The following TPO variants were observed in gnomAD, a reference collection of about 807,000 sequenced individuals.
TPO encodes thyroid peroxidase, also known as thyroid microsomal antigen.
Under a neutral mutation model 96.9 loss-of-function variants are expected in TPO, and 78 were observed. The ratio of observed to expected loss-of-function variants is 0.81; its 90% CI spans 0.67 to 0.97. The LOEUF (loss-of-function observed/expected upper bound fraction) is 0.97. Ranked by LOEUF, TPO falls within the 50% of genes least tolerant of loss-of-function variation. The probability of loss-of-function intolerance (pLI) is 0.00; values close to 1 mark genes in which losing one functional copy is unlikely to be tolerated. For synonymous variants in TPO, 547 were observed against 538.0 expected (o/e 1.02, Z -0.23); for missense variants, 1,252 against 1,274.8 (o/e 0.98, Z 0.27).
At chr2:1,493,462 T>C (rs1671995704) in intron 10 of TPO, among the ~76,000 whole-genome samples, 4 of 140,340 alleles carry the variant, frequency 2.9e-5, no homozygotes, top group South Asian at 2.2e-4. Flanking sequence ...CCGGGCAGTG[T>C]CACAGGGTGG....
chr2:1,471,857 C>A (rs574754330), intron 7 of TPO, among the ~76,000 whole-genome samples: 115 of 152,290 alleles, frequency 7.6e-4, no homozygotes, highest in African/African-American at 2.7e-3. Flanking sequence ...GCACTCATGG[C>A]ATGCCCTTCC....
intron 7 of TPO, among the ~76,000 whole-genome samples, chr2:1,471,440 A>AC (rs199893928): frequency 0.096 from 14,017 of 145,888 alleles, 928 homozygotes; most frequent in African/African-American, 0.18. Flanking sequence ...TTTTCCTGTG[A>AC]CCCCCCCCCA....
intron 13 of TPO, 81 bp from the exon 14 acceptor site, chr2:1,503,867 A>C (rs28912995): frequency 7.0e-4 from 1,124 of 1,611,704 alleles, no homozygotes; most frequent in Non-Finnish European, 9.2e-4. Context: ...AGAGAGAAGC[A>C]CCTCCCAGAA....
chr2:1,542,761 CTCTTGCAATCCT>C lies in TPO; in HGVS notation c.*288_*299del. On this transcript the variant is annotated 3_prime_UTR_variant, in exon 17 of 17. Coordinates refer to ENST00000329066, the MANE Select transcript of TPO (RefSeq NM_001206744.2). ...TATTTTGTGAACCCTGGAAACACCACTCTTGCAATCCTCCTGTCTCCACCTTCTGGCATCTCT... is the reference window on the plus strand; with the variant it reads ...TATTTTGTGAACCCTGGAAACACCACCCTGTCTCCACCTTCTGGCATCTCT... The C allele has an allele frequency of 1.3e-6, 1 of 767,990 alleles. No individual in the cohort carries two copies. Among genetic ancestry groups the C allele is most frequent in the East Asian group, 3.1e-5 (1 of 31,804 alleles). The allele number at this position is 767,990 out of a possible 1,614,324, so 47.6% of individuals were successfully genotyped here.
intron 5 of TPO, among the ~76,000 whole-genome samples, chr2:1,437,317 T>C (rs1319843558): frequency 6.6e-6 from 1 of 151,914 alleles, no homozygotes; most frequent in Non-Finnish European, 1.5e-5. Context: ...TTTGTCACAA[T>C]AGTGTGGCGC....
intron 3 of TPO, among the ~76,000 whole-genome samples, chr2:1,423,889 C>T (rs1013659687): frequency 5.3e-5 from 8 of 152,138 alleles, no homozygotes; most frequent in Admixed American, 1.3e-4. Flanking sequence ...CATAAACTCA[C>T]GCACACTTTA....
intron 5 of TPO, among the ~76,000 whole-genome samples, chr2:1,447,061 AC>A: frequency 6.6e-6 from 1 of 151,874 alleles, no homozygotes; most frequent in Non-Finnish European, 1.5e-5. Context: ...ATCTGAATTG[AC>A]CCCTCCTGTT....
intron 7 of TPO, among the ~76,000 whole-genome samples, chr2:1,469,954 G>A (rs1211278570): frequency 6.6e-6 from 1 of 152,178 alleles, no homozygotes; most frequent in Non-Finnish European, 1.5e-5. Flanking sequence ...GTTTGTCCAA[G>A]TGAGAGCTGA....
intron 8 of TPO, among the ~76,000 whole-genome samples, chr2:1,482,491 AC>A (rs1400879614): frequency 1.3e-5 from 2 of 152,102 alleles, no homozygotes; most frequent in Non-Finnish European, 2.9e-5. Flanking sequence ...GACATGGCCC[AC>A]CTGGGAGGTG....
Position 1,487,116 on chromosome 2 carries a change from A to G in TPO, c.1598-705A>G, listed in dbSNP as rs28911478. On this transcript the variant is annotated intron_variant, in intron 9 of 16. Transcript: ENST00000329066. ...TCCATGCGGGGCCTTTGGAGATGAC[A>G]GGAACAGTGGTCCCCAGGCACCCTG... Among the ~76,000 whole-genome samples the G allele has an allele frequency of 2.4e-4, 36 of 152,342 alleles. No individual in the cohort carries two copies. In the East Asian group the frequency reaches 6.8e-3, roughly 29 times the overall value.
chr2:1,527,976 T>C (rs76719319), intron 15 of TPO, among the ~76,000 whole-genome samples: 1 of 126,404 alleles, frequency 7.9e-6, no homozygotes, highest in Non-Finnish European at 1.6e-5. Flanking sequence ...CCCCACTGCG[T>C]GCAACCTCCT....
At chr2:1,507,560 T>C (rs1292519098) in intron 14 of TPO, among the ~76,000 whole-genome samples, 3 of 152,334 alleles carry the variant, frequency 2.0e-5, no homozygotes, top group East Asian at 1.9e-4. Flanking sequence ...TTTATTTCAT[T>C]GAGCAGTGGT....
intron 1 of TPO, among the ~76,000 whole-genome samples, chr2:1,401,127 A>G (rs185268971): frequency 1.3e-5 from 2 of 152,312 alleles, no homozygotes; most frequent in East Asian, 3.9e-4. Flanking sequence ...AGAGCCTCCC[A>G]TATCTGTGCC....
intron 13 of TPO, among the ~76,000 whole-genome samples, chr2:1,502,633 ACC>A (rs1444218281): frequency 6.6e-6 from 1 of 151,862 alleles, no homozygotes; most frequent in Non-Finnish European, 1.5e-5. Context: ...CAGGTGATCT[ACC>A]CACCTCAGCC....
intron 14 of TPO, among the ~76,000 whole-genome samples, chr2:1,504,806 T>A (rs1269609246): frequency 1.3e-5 from 2 of 152,156 alleles, no homozygotes; most frequent in Non-Finnish European, 2.9e-5. Context: ...GCCGGGAATT[T>A]GTGTTAATAG....
At chr2:1,399,997 C>T (rs184071964) in intron 1 of TPO, among the ~76,000 whole-genome samples, 176 of 152,358 alleles carry the variant, frequency 1.2e-3, no homozygotes, top group Admixed American at 2.7e-3. Context: ...TCCAGCCAGA[C>T]GCCCCTGGGC....
At chr2:1,468,282 A>G (rs1669091364) in intron 7 of TPO, among the ~76,000 whole-genome samples, 1 of 151,610 alleles carries the variant, frequency 6.6e-6, no homozygotes, top group Non-Finnish European at 1.5e-5. Flanking sequence ...TTTTAATTGT[A>G]TTTTTGTTGT....
chr2:1,523,190 C>T (rs1484360555), intron 15 of TPO, among the ~76,000 whole-genome samples: 4 of 131,024 alleles, frequency 3.1e-5, no homozygotes, highest in Non-Finnish European at 6.5e-5. Context: ...TCAAATCCCC[C>T]CAACTGTTTG....
At chr2:1,410,923 C>T (rs1422349181), upstream of TPO, among the ~76,000 whole-genome samples, 1 of 152,182 alleles carries the variant, frequency 6.6e-6, no homozygotes, top group Non-Finnish European at 1.5e-5. Flanking sequence ...CTCTGCTCTC[C>T]ATTGCTGGGT....
Sources: gnomAD v4.1 joint callset for allele counts (sites outside exome capture counted in the v4.1 genomes callset) on GRCh38, gnomAD v4.1.1 for gene constraint, MANE v1.5 for transcripts, NCBI Gene and HGNC (gene_info 2026-07-23, HGNC 2026-07-21) for gene names.